Variants in ZNF609 observed in about 807,000 individuals in gnomAD.
ZNF609 encodes the protein zinc finger protein 609.
Under a neutral mutation model 109.5 loss-of-function variants are expected in ZNF609, and 11 were observed. The ratio of observed to expected loss-of-function variants is 0.10; its 90% confidence interval spans 0.06 to 0.17. ZNF609 has a LOEUF of 0.17. Among genes scored for constraint, ZNF609 ranks in the 10% least tolerant of loss-of-function variants. ZNF609 has a pLI of 1.00. For synonymous variants in ZNF609, 646 were observed against 662.0 expected (o/e 0.98, Z 0.37); for missense variants, 1,559 against 1,772.4 (o/e 0.88, Z 2.16).
intron 1 of ZNF609, among the ~76,000 whole-genome samples, chr15:64,466,431 A>G (rs1307669965): frequency 6.6e-6 from 1 of 152,220 alleles, no homozygotes; most frequent in African/African-American, 2.4e-5. Context: ...TTCACAGGGT[A>G]CTAATTAACG....
intron 2 of ZNF609, among the ~76,000 whole-genome samples, chr15:64,557,464 A>T (rs1331556668): frequency 6.6e-6 from 1 of 152,156 alleles, no homozygotes; most frequent in Non-Finnish European, 1.5e-5. Flanking sequence ...CCAAATTTTT[A>T]TTCAGCAATG....
At chr15:64,632,845 G>A (rs957407800) in intron 3 of ZNF609, among the ~76,000 whole-genome samples, 1 of 151,634 alleles carries the variant, frequency 6.6e-6, no homozygotes, top group Admixed American at 6.6e-5. Context: ...TGTGATCAGT[G>A]GTGTGATCAT....
chr15:64,580,055 A>G (rs1430999352), intron 2 of ZNF609, among the ~76,000 whole-genome samples: 2 of 152,216 alleles, frequency 1.3e-5, no homozygotes, highest in African/African-American at 4.8e-5. Context: ...TAGATTATCC[A>G]ATGGTTCCAA....
chr15:64,605,479 G>A (rs999833230), intron 2 of ZNF609, among the ~76,000 whole-genome samples: 1 of 152,158 alleles, frequency 6.6e-6, no homozygotes, highest in Non-Finnish European at 1.5e-5. Context: ...TAGAAAGGTG[G>A]AGTTAAGTTA....
chr15:64,560,670 G>T (rs986897951), intron 2 of ZNF609, among the ~76,000 whole-genome samples: 6 of 152,104 alleles, frequency 3.9e-5, no homozygotes, highest in African/African-American at 1.4e-4. Flanking sequence ...TGGGATGCTT[G>T]GCAAGAGGAG....
intron 2 of ZNF609, among the ~76,000 whole-genome samples, chr15:64,517,136 G>A (rs1385981553): frequency 1.3e-5 from 2 of 152,130 alleles, no homozygotes; most frequent in Non-Finnish European, 2.9e-5. Context: ...AGCACTTTGG[G>A]AGGCCAAAGC....
chr15:64,565,880 G>A (rs1179976016), intron 2 of ZNF609, among the ~76,000 whole-genome samples: 2 of 151,824 alleles, frequency 1.3e-5, no homozygotes, highest in African/African-American at 2.4e-5. Context: ...ATAGAGTCTC[G>A]TTCTGTCACC....
chr15:64,628,312 A>G (rs1226978176), intron 3 of ZNF609, among the ~76,000 whole-genome samples: 1 of 151,802 alleles, frequency 6.6e-6, no homozygotes, highest in Non-Finnish European at 1.5e-5. Flanking sequence ...AAAAAAGAAA[A>G]GAAACATGTA....
intron 6 of ZNF609, among the ~76,000 whole-genome samples, chr15:64,679,277 G>T (rs970327608): frequency 3.3e-5 from 5 of 152,152 alleles, no homozygotes; most frequent in African/African-American, 7.2e-5. Flanking sequence ...CTTCCGTGTT[G>T]GTCAGGCTGG....
At chr15:64,652,626 A>G (rs1317328415) in intron 3 of ZNF609, among the ~76,000 whole-genome samples, 3 of 152,010 alleles carry the variant, frequency 2.0e-5, no homozygotes, top group African/African-American at 7.2e-5. Context: ...AGGCTCAAAC[A>G]ATCCTCCCAC....
intron 2 of ZNF609, among the ~76,000 whole-genome samples, chr15:64,599,236 T>A (rs1895454764): frequency 6.7e-6 from 1 of 148,382 alleles, no homozygotes; most frequent in Non-Finnish European, 1.5e-5. Flanking sequence ...TAAAAAATTT[T>A]AAAAACACCT....
intron 2 of ZNF609, among the ~76,000 whole-genome samples, chr15:64,605,271 T>C (rs1895576501): frequency 1.3e-5 from 2 of 152,202 alleles, no homozygotes; most frequent in South Asian, 2.1e-4. Context: ...ACCTGTTTCA[T>C]GTAGTTTTGG....
At chr15:64,516,505 T>C (rs1426500723) in intron 2 of ZNF609, among the ~76,000 whole-genome samples, 3 of 152,040 alleles carry the variant, frequency 2.0e-5, no homozygotes, top group Non-Finnish European at 4.4e-5. Context: ...TCCCAAGTAG[T>C]TGGGATGACA....
At chr15:64,560,851 T>C (rs759828451) in intron 2 of ZNF609, among the ~76,000 whole-genome samples, 6 of 152,236 alleles carry the variant, frequency 3.9e-5, no homozygotes, top group Non-Finnish European at 8.8e-5. Context: ...GAAAAATTTG[T>C]TGGCTTTATA....
At position 64,676,012 on chromosome 15, in the gene ZNF609, C is replaced by T. The variant is rs772403027; in HGVS notation, c.3158C>T (p.Ala1053Val). 17 of 1,614,096 alleles carry T rather than the reference C, an allele frequency of 1.1e-5. No homozygotes were observed. The highest frequency in any genetic ancestry group is 1.4e-5 in the Non-Finnish European group (16 of 1,180,050). ...KPSIPPTLTK[A>V]PSLTDLVKSG... ...TCAATTCCACCAACTCTCACCAAGG[C>T]CCCCAGCCTGACAGACCTGGTGAAA... The change falls in exon 5 of 10, where the codon GCC becomes GTC. Residue 1053 changes from alanine to valine, a missense_variant. Physicochemically the swap from Ala to Val is moderately conservative, Grantham distance 64. Transcript: ENST00000326648.
intron 2 of ZNF609, among the ~76,000 whole-genome samples, chr15:64,569,540 TG>T (rs996485236): frequency 6.6e-6 from 1 of 152,244 alleles, no homozygotes; most frequent in African/African-American, 2.4e-5. Context: ...AAGCCTTTGT[TG>T]TGCTTAGAAA....
At chr15:64,530,187 G>C (rs1894039149) in intron 2 of ZNF609, among the ~76,000 whole-genome samples, 2 of 151,808 alleles carry the variant, frequency 1.3e-5, no homozygotes, top group African/African-American at 4.8e-5. Context: ...GCTAATTTTT[G>C]TATTTTTTGG....
intron 3 of ZNF609, among the ~76,000 whole-genome samples, chr15:64,656,655 G>T (rs1896492608): frequency 6.6e-6 from 1 of 151,796 alleles, no homozygotes; most frequent in Admixed American, 6.6e-5. Flanking sequence ...TTAAGTAATG[G>T]GTTTTCTCCT....
rs966541254 is a variant in ZNF609, at chr15:64,554,092, A to G, written c.747+53926A>G. On this transcript the variant is annotated intron_variant, in intron 2 of 9. Coordinates refer to ENST00000326648, the MANE Select transcript of ZNF609 (RefSeq NM_015042.2). ...ATTTTTCTTGCCTTTATTGAACTCAATAGAACCTCTATTACTATGCTCCAT... is the reference window on the plus strand; with the variant it reads ...ATTTTTCTTGCCTTTATTGAACTCAGTAGAACCTCTATTACTATGCTCCAT... Among the ~76,000 whole-genome samples, 14 of 152,238 alleles carry G rather than the reference A, an allele frequency of 9.2e-5. No individual in the cohort carries two copies. The South Asian group carries it at 1.4e-3, about 16-fold the overall frequency.
Sources: allele counts gnomAD v4.1 joint callset (sites outside exome capture counted in the v4.1 genomes callset), GRCh38; gene constraint gnomAD v4.1.1; transcripts MANE v1.5; gene names NCBI Gene and HGNC (gene_info 2026-07-23, HGNC 2026-07-21).